The following DOHH variants were observed in gnomAD, a reference collection of about 807,000 sequenced individuals.
The protein encoded by DOHH is HEAT-like (PBS lyase) repeat containing 1.
DOHH carries 16 observed loss-of-function variants against 19.9 expected under a neutral mutation model. The ratio of observed to expected loss-of-function variants is 0.80; its 90% confidence interval spans 0.54 to 1.22. The LOEUF (loss-of-function observed/expected upper bound fraction) is 1.22. DOHH is among the 50% of genes most tolerant of loss of function. The pLI is 0.00. For missense variants in DOHH, 460 were observed against 460.6 expected, an observed-to-expected ratio of 1.00 and a Z score of 0.01; for synonymous variants, 233 against 217.0, an observed-to-expected ratio of 1.07 and a Z score of -0.65.
chr19:3,496,721 G>A lies in DOHH; in HGVS notation c.94C>T (p.Arg32Cys), dbSNP rs778229924. 10 of 1,613,074 alleles carry A rather than the reference G, an allele frequency of 6.2e-6. No individual in the cohort carries two copies. Among genetic ancestry groups the A allele is most frequent in the African/African-American group, 2.7e-5 (2 of 74,954 alleles). The change falls in exon 2 of 5, where the codon CGT becomes TGT. Residue 32 changes from arginine to cysteine, a missense_variant. Physicochemically the swap from Arg to Cys is radical, Grantham distance 180. Transcript: ENST00000427575. The surrounding 1 kb of genome is among the most constrained non-coding windows in gnomAD (Gnocchi z 4.8). Reference sequence around the variant, plus strand: ...ATGGCGCCTGGGCCGCCGAGCCCACGCAGCGTGAACAGCGCCCGGAAGCGG... The same window carrying A: ...ATGGCGCCTGGGCCGCCGAGCCCACACAGCGTGAACAGCGCCCGGAAGCGG... ...QARFRALFTL[R>C]GLGGPGAIAW...
intron 1 of DOHH, among the ~76,000 whole-genome samples, chr19:3,500,286 A>G (rs1046745661): frequency 2.0e-5 from 3 of 152,192 alleles, no homozygotes; most frequent in African/African-American, 7.2e-5. Flanking sequence ...AAGAGGGGTC[A>G]TCAGAAACCA....
intron 2 of DOHH, among the ~76,000 whole-genome samples, chr19:3,495,142 T>A (rs1370664204): frequency 6.6e-6 from 1 of 151,850 alleles, no homozygotes; most frequent in African/African-American, 2.4e-5. Flanking sequence ...CCCAGCTACT[T>A]TTTTTTGTAT....
In DOHH at chr19:3,492,436, G is replaced by A; in HGVS notation, c.415C>T (p.Pro139Ser). 1.3e-6 allele frequency: 2 copies of A among 1,483,240 alleles called. No homozygotes were observed. Among genetic ancestry groups the A allele is most frequent in the Non-Finnish European group, 1.8e-6 (2 of 1,122,572 alleles). 91.9% of individuals were successfully genotyped at this position (1,483,240 alleles called of 1,614,324 possible). A position where few individuals can be genotyped will look rare whatever the true frequency, so the allele number is the denominator to read the frequency against. Residue 139 changes from proline (P) to serine (S), a missense_variant, in exon 4 of 5, where the codon CCG becomes TCG. By Grantham distance (74) the Pro-to-Ser change is moderately conservative (BLOSUM62 -1). Transcript: ENST00000427575. The stretch of plus-strand genomic sequence containing the variant: ...ACGGAGAGGTAGGGTCCCGCCGCCG[G>A]CTCCCCGCCGTGCTGCTGCAGCCAC... Reference protein sequence around the residue: ...LEWLQQHGGEPAAGPYLSVDP... With the variant: ...LEWLQQHGGESAAGPYLSVDP...
In DOHH at chr19:3,492,395, C is replaced by T. The variant is rs756076115; in HGVS notation, c.456G>A (p.Pro152=). 6.5e-6 allele frequency: 10 copies of T among 1,530,824 alleles called. No individual in the cohort carries two copies. Among genetic ancestry groups the T allele is most frequent in the African/African-American group, 1.4e-5 (1 of 72,114 alleles). The allele number at this position is 1,530,824 out of a possible 1,614,324, so 94.8% of individuals were successfully genotyped here. The change falls in exon 4 of 5, where the codon CCG becomes CCA. Residue 152 remains proline (P), a synonymous_variant. Coordinates refer to ENST00000427575, the MANE Select transcript of DOHH (RefSeq NM_001145165.2). ...GPYLSVDPAP[P]AEERDVGRLR... Reference sequence around the variant, plus strand: ...GGCGCCCCACGTCACGCTCCTCAGCCGGCGGGGCAGGGTCCACGGAGAGGT... The same window carrying T: ...GGCGCCCCACGTCACGCTCCTCAGCTGGCGGGGCAGGGTCCACGGAGAGGT...
At chr19:3,499,662 C>T (rs1347575096) in intron 1 of DOHH, among the ~76,000 whole-genome samples, 1 of 152,140 alleles carries the variant, frequency 6.6e-6, no homozygotes, top group Non-Finnish European at 1.5e-5. Context: ...ATCCCAGCTA[C>T]TCGGGAGGCT....
chr19:3,496,777 G>A lies in DOHH; in HGVS notation c.38C>T (p.Thr13Met), dbSNP rs148032865. The A allele has an allele frequency of 4.3e-4, 687 of 1,603,780 alleles. No homozygotes were observed. Among genetic ancestry groups the A allele is most frequent in the Non-Finnish European group, 5.3e-4 (621 of 1,176,510 alleles). ...CAGGGGCTGCTTGGGGTCCACCAGC[G>A]TCTGCCCGATGGCATCCACCTCCTG... is the stretch of plus-strand genomic sequence containing the variant. ...TEQEVDAIGQ[T>M]LVDPKQPLQA... is the part of the protein sequence containing the mutation. The change falls in exon 2 of 5, where the codon ACG (threonine) becomes ATG (methionine). Residue 13 changes from threonine to methionine, a missense_variant. By Grantham distance (81) the Thr-to-Met change is moderately conservative. Coordinates refer to ENST00000427575, the MANE Select transcript of DOHH (RefSeq NM_001145165.2). The surrounding 1 kb of genome is among the most constrained non-coding windows in gnomAD (Gnocchi z 4.8).
chr19:3,495,143 T>C (rs1007704906), intron 2 of DOHH, among the ~76,000 whole-genome samples: 1 of 151,708 alleles, frequency 6.6e-6, no homozygotes, highest in Admixed American at 6.6e-5. Context: ...CCAGCTACTT[T>C]TTTTTGTATT....
chr19:3,498,265 T>A (rs186986760), intron 1 of DOHH, among the ~76,000 whole-genome samples: 1 of 152,340 alleles, frequency 6.6e-6, no homozygotes, highest in Admixed American at 6.5e-5. Context: ...CCATAACTGT[T>A]TCAGCACTGA....
In DOHH at chr19:3,491,236, C is replaced by T. The variant is rs111480648; in HGVS notation, c.*256G>A. 1.5e-3 allele frequency: 820 copies of T among 553,344 alleles called. 8 individuals carry two copies. In the African/African-American group the frequency reaches 0.015, roughly 10 times the overall value. 34.3% of individuals were successfully genotyped at this position (553,344 alleles called of 1,614,324 possible). On this transcript the variant is annotated 3_prime_UTR_variant, in exon 5 of 5. Transcript: ENST00000427575. The surrounding 1 kb of genome is among the most constrained non-coding windows in gnomAD (Gnocchi z 5.6). Reference sequence around the variant, plus strand: ...GAGCCGGGCATCCCAGAGCCTCCCGCAGAGTCCCACCCCAAGCCTGGAAAC... The same window carrying T: ...GAGCCGGGCATCCCAGAGCCTCCCGTAGAGTCCCACCCCAAGCCTGGAAAC...
Position 3,492,307 on chromosome 19 carries a change from G to A in DOHH, c.544C>T (p.Leu182=). 6.5e-7 allele frequency: 1 copy of A among 1,535,852 alleles called. No homozygotes were observed. Among genetic ancestry groups the A allele is most frequent in the South Asian group, 1.2e-5 (1 of 82,988 alleles). ...LFERYRAMFA[L]RNAGGEEAAL... is the part of the protein sequence containing the mutation. ...GCCTCCTCGCCTCCCGCGTTGCGCAGGGCGAACATGGCGCGGTATCGCTCG... is the reference window on the plus strand; with the variant it reads ...GCCTCCTCGCCTCCCGCGTTGCGCAAGGCGAACATGGCGCGGTATCGCTCG... Residue 182 remains leucine, a synonymous_variant, in exon 4 of 5, where the codon CTG becomes TTG. Transcript: ENST00000427575.
At chr19:3,495,638 G>A (rs565050498) in intron 2 of DOHH, among the ~76,000 whole-genome samples, 6 of 152,272 alleles carry the variant, frequency 3.9e-5, no homozygotes, top group Admixed American at 6.5e-5. Flanking sequence ...GGCGGGGTGC[G>A]ATGGCTCATG....
intron 3 of DOHH, among the ~76,000 whole-genome samples, chr19:3,493,411 C>T (rs1423483292): frequency 6.6e-6 from 1 of 152,150 alleles, no homozygotes; most frequent in Non-Finnish European, 1.5e-5. Flanking sequence ...AGATCGAGAC[C>T]ATCCTGGCTA....
chr19:3,492,494 G>C lies in DOHH; in HGVS notation c.357C>G (p.Ala119=), dbSNP rs762374766. The C allele has an allele frequency of 2.2e-6, 3 of 1,380,190 alleles. No homozygotes were observed. The highest frequency in any genetic ancestry group is 2.5e-4 in the Middle Eastern group (1 of 3,994). 85.5% of individuals were successfully genotyped at this position (1,380,190 alleles called of 1,614,324 possible). The change falls in exon 4 of 5, where the codon GCC becomes GCG. Residue 119 remains alanine (A), a synonymous_variant. Transcript: ENST00000427575. ...QYSSDPVIEV[A]ETCQLAVRRL... ...TGCGCACGGCCAGCTGGCAGGTCTCGGCCACCTGCGGGGAGGGGGTATCAG... is the reference window on the plus strand; with the variant it reads ...TGCGCACGGCCAGCTGGCAGGTCTCCGCCACCTGCGGGGAGGGGGTATCAG...
intron 1 of DOHH, among the ~76,000 whole-genome samples, chr19:3,499,867 T>G (rs1342107483): frequency 6.6e-6 from 1 of 152,208 alleles, no homozygotes; most frequent in East Asian, 1.9e-4. Flanking sequence ...GCTCTTTACA[T>G]TCATTAATTC....
At position 3,491,602 on chromosome 19, in the gene DOHH, G is replaced by A; in HGVS notation, c.799C>T (p.Arg267Cys). ...ALQAHADDPE[R>C]VVRESCEVAL... The stretch of plus-strand genomic sequence containing the variant: ...ACCTCGCAGCTCTCACGCACCACGC[G>A]CTCTGGGTCGTCCGCGTGAGCCTGC... Residue 267 changes from arginine to cysteine, a missense_variant, in exon 5 of 5, where the codon CGC becomes TGC. Arg to Cys is a radical substitution (Grantham distance 180). Coordinates refer to ENST00000427575, the MANE Select transcript of DOHH (RefSeq NM_001145165.2). This position sits in a 1 kb window ranked among gnomAD's most constrained non-coding sequence, Gnocchi z 5.6. 1.3e-6 allele frequency: 2 copies of A among 1,535,956 alleles called. No individual in the cohort carries two copies. The highest frequency in any genetic ancestry group is 1.7e-6 in the Non-Finnish European group (2 of 1,146,520).
chr19:3,500,650 G>A lies in DOHH; in HGVS notation c.-162C>T, dbSNP rs1007602353. 6.6e-6 allele frequency: 1 copy of A among 152,472 alleles called. No individual in the cohort carries two copies. Among genetic ancestry groups the A allele is most frequent in the Middle Eastern group, 3.4e-3 (1 of 296 alleles). 9.4% of individuals were successfully genotyped at this position (152,472 alleles called of 1,614,324 possible). Reference sequence around the variant, plus strand: ...CTTCACCTGCCGCGACGCCCGCAGTGCGGTCTGGGGGCCGCCATTTTCTCG... The same window carrying A: ...CTTCACCTGCCGCGACGCCCGCAGTACGGTCTGGGGGCCGCCATTTTCTCG... On this transcript the variant is annotated 5_prime_UTR_variant, in exon 1 of 5. Transcript: ENST00000427575.
chr19:3,492,320 G>C lies in DOHH; in HGVS notation c.531C>G (p.Arg177=), dbSNP rs78287632. The change falls in exon 4 of 5, where the codon CGC becomes CGG. Residue 177 remains arginine (R), a synonymous_variant. Transcript: ENST00000427575. The part of the protein sequence containing the change: ...DESRPLFERY[R]AMFALRNAGG... The stretch of plus-strand genomic sequence containing the variant: ...CCGCGTTGCGCAGGGCGAACATGGC[G>C]CGGTATCGCTCGAAGAGCGGCCGGG... The C allele has an allele frequency of 0.026, 39,504 of 1,544,458 alleles. 614 individuals are homozygous for C. The highest frequency in any genetic ancestry group is 0.028 in the Non-Finnish European group (31,877 of 1,153,070).
At chr19:3,493,738 C>A (rs560003825) in intron 3 of DOHH, among the ~76,000 whole-genome samples, 16 of 151,904 alleles carry the variant, frequency 1.1e-4, no homozygotes, top group Non-Finnish European at 1.5e-4. Context: ...AGGGACTGGA[C>A]GTGGGGGTTC....
At position 3,491,616 on chromosome 19, in the gene DOHH, G is replaced by A. The variant is rs1307969241; in HGVS notation, c.785C>T (p.Ala262Val). The change falls in exon 5 of 5, where the codon GCG becomes GTG. Residue 262 changes from alanine (A) to valine (V), a missense_variant. Transcript: ENST00000427575. The surrounding 1 kb of genome is among the most constrained non-coding windows in gnomAD (Gnocchi z 5.6). ...PACLAALQAH[A>V]DDPERVVRES... ...ACGCACCACGCGCTCTGGGTCGTCC[G>A]CGTGAGCCTGCAGCGCGGCCAGGCA... is the stretch of plus-strand genomic sequence containing the variant. 6.5e-7 allele frequency: 1 copy of A among 1,535,444 alleles called. No individual in the cohort carries two copies.
Sources: gnomAD v4.1 joint callset for allele counts (sites outside exome capture counted in the v4.1 genomes callset) on GRCh38, gnomAD v4.1.1 for gene constraint, Gnocchi (gnomAD v3.1) non-coding constraint, MANE v1.5 for transcripts, NCBI Gene and HGNC (gene_info 2026-07-23, HGNC 2026-07-21) for gene names.